Variants in SKAP1 observed in about 807,000 individuals in gnomAD.
SKAP1 encodes src kinase-associated phosphoprotein 1.
In SKAP1, 44 loss-of-function variants were observed where a neutral mutation model predicts 58.5. That is an observed-to-expected ratio of 0.75 (90% CI 0.59 to 0.97). SKAP1 has a LOEUF of 0.97. SKAP1 is among the 50% of genes least tolerant of loss of function. The pLI, the probability that SKAP1 is intolerant of heterozygous loss-of-function variation, is 0.00. For missense variants in SKAP1, 390 were observed against 435.2 expected (o/e 0.90, Z 0.92); for synonymous variants, 127 against 149.7 (o/e 0.85, Z 1.11).
At chr17:48,367,535 T>TGTATATATATATATGGATATATATCC (rs1427393493) in intron 2 of SKAP1, among the ~76,000 whole-genome samples, 4 of 88,696 alleles carry the variant, frequency 4.5e-5, no homozygotes, top group African/African-American at 1.8e-4. Context: ...TGTATGTGTG[T>TGTATATATATATATGGATATATATCC]GTATATATAT....
chr17:48,154,637 TCTC>T (rs2063948356), intron 11 of SKAP1, among the ~76,000 whole-genome samples: 1 of 152,140 alleles, frequency 6.6e-6, no homozygotes, highest in Non-Finnish European at 1.5e-5. Flanking sequence ...AGTGGCCTCT[TCTC>T]CTTCCTAGTC....
At chr17:48,204,972 C>CTTTTCTTTTCT (rs1424862689) in intron 4 of SKAP1, among the ~76,000 whole-genome samples, 2 of 34,588 alleles carry the variant, frequency 5.8e-5, no homozygotes, top group Admixed American at 3.6e-4. Context: ...CTTTTCTTTT[C>CTTTTCTTTTCT]TTTTCTTTCT....
At chr17:48,314,990 C>T (rs72827825) in intron 4 of SKAP1, among the ~76,000 whole-genome samples, 12,445 of 152,072 alleles carry the variant, frequency 0.082, 654 homozygotes, top group East Asian at 0.2. Context: ...ATATTGACAT[C>T]CCAGGCAACA....
intron 4 of SKAP1, among the ~76,000 whole-genome samples, chr17:48,265,256 A>T (rs2065531260): frequency 6.6e-6 from 1 of 152,178 alleles, no homozygotes; most frequent in African/African-American, 2.4e-5. Context: ...CTGTAATCCC[A>T]GCACTTTGGG....
chr17:48,441,013 G>A, the SKAP1 span, among the ~76,000 whole-genome samples: 19 of 152,120 alleles, frequency 1.2e-4, no homozygotes, highest in African/African-American at 4.3e-4. Context: ...CTAGCACCCC[G>A]ATTCCATTTC....
At chr17:48,336,408 A>T (rs1355483086) in intron 4 of SKAP1, among the ~76,000 whole-genome samples, 1 of 152,188 alleles carries the variant, frequency 6.6e-6, no homozygotes, top group Non-Finnish European at 1.5e-5. Flanking sequence ...AAGCACTGGA[A>T]GTATGACAGG....
intron 1 of SKAP1, among the ~76,000 whole-genome samples, chr17:48,427,846 C>T (rs1338174312): frequency 6.6e-6 from 1 of 151,868 alleles, no homozygotes; most frequent in African/African-American, 2.4e-5. Context: ...TGACTCCCTC[C>T]CACAGAGTGA....
At chr17:48,261,216 G>T (rs1386548282) in intron 4 of SKAP1, among the ~76,000 whole-genome samples, 1 of 152,136 alleles carries the variant, frequency 6.6e-6, no homozygotes, top group African/African-American at 2.4e-5. Flanking sequence ...TAGTTGAAAG[G>T]ATGACTTAAA....
chr17:48,171,093 G>GTTTTTTT lies in SKAP1; in HGVS notation c.827-441_827-435dup, dbSNP rs71141969. ...CTTTAAGGAAAGTTTAATTACTGTT[G>GTTTTTTT]TTTTTTTTTTTTTTTTTTTTTTTTT... On this transcript the variant is annotated intron_variant, in intron 9 of 12. Transcript: ENST00000336915. 7.1e-4 allele frequency among the ~76,000 whole-genome samples: 50 copies of GTTTTTTT among 70,252 alleles called. 4 individuals carry two copies. The highest frequency in any genetic ancestry group is 1.1e-3 in the African/African-American group (19 of 17,012). The allele number at this position is 70,252 out of a possible 152,430, so 46.1% of individuals were successfully genotyped here.
At chr17:48,423,451 T>A (rs2067818951) in intron 1 of SKAP1, among the ~76,000 whole-genome samples, 1 of 152,176 alleles carries the variant, frequency 6.6e-6, no homozygotes, top group African/African-American at 2.4e-5. Context: ...ATTATCAAAG[T>A]ACCCTTCCTG....
chr17:48,163,623 T>C (rs2064098942), intron 10 of SKAP1, among the ~76,000 whole-genome samples: 1 of 152,190 alleles, frequency 6.6e-6, no homozygotes, highest in Admixed American at 6.5e-5. Context: ...CTAATTAAAA[T>C]TCACATGATT....
chr17:48,249,061 C>T (rs1025131830), intron 4 of SKAP1: 2 of 152,094 alleles, frequency 1.3e-5, no homozygotes, highest in African/African-American at 4.8e-5. Flanking sequence ...AAAAAAAACC[C>T]ATTTAATTAA....
At chr17:48,249,439 G>A (rs1598469203) in intron 4 of SKAP1, among the ~76,000 whole-genome samples, 1 of 152,170 alleles carries the variant, frequency 6.6e-6, no homozygotes, top group East Asian at 1.9e-4. Context: ...TTTGGGAGCT[G>A]AGGTGGGCAG....
At chr17:48,294,107 C>T (rs1279993807) in intron 4 of SKAP1, among the ~76,000 whole-genome samples, 1 of 152,170 alleles carries the variant, frequency 6.6e-6, no homozygotes, top group African/African-American at 2.4e-5. Flanking sequence ...CCTACAGAAT[C>T]ACCATTTGTT....
At chr17:48,218,449 C>T (rs944837834) in intron 4 of SKAP1, among the ~76,000 whole-genome samples, 9 of 152,206 alleles carry the variant, frequency 5.9e-5, no homozygotes, top group African/African-American at 2.2e-4. Context: ...ATCACTTAAT[C>T]AATTCTAAGA....
rs1442539453 is a variant in SKAP1 at position 48,351,028 on chromosome 17, C to T, written c.179-5022G>A. ...TTCATGGGCCAATTTAATAGTAATA[C>T]AGCTCCCAAAGCTGAACTATAGTAA... On this transcript the variant is annotated intron_variant, in intron 3 of 12. Transcript: ENST00000336915. Among the ~76,000 whole-genome samples the T allele has an allele frequency of 3.3e-5, 5 of 152,226 alleles. No homozygotes were observed. The East Asian group carries it at 5.8e-4, about 18-fold the overall frequency.
At chr17:48,380,955 G>T (rs908830598) in intron 2 of SKAP1, among the ~76,000 whole-genome samples, 1 of 152,186 alleles carries the variant, frequency 6.6e-6, no homozygotes, top group Non-Finnish European at 1.5e-5. Flanking sequence ...ATTCTGAAAA[G>T]TGGTTAGGGC....
chr17:48,321,084 A>C (rs192079625), intron 4 of SKAP1, among the ~76,000 whole-genome samples: 1 of 152,276 alleles, frequency 6.6e-6, no homozygotes, highest in Admixed American at 6.5e-5. Flanking sequence ...GCAGTCTCCA[A>C]CAGAATGGAG....
intron 4 of SKAP1, among the ~76,000 whole-genome samples, chr17:48,254,654 A>G (rs1203976707): frequency 1.3e-5 from 2 of 150,368 alleles, no homozygotes; most frequent in Non-Finnish European, 3.0e-5. Flanking sequence ...TGTCATATTT[A>G]CTGAACGCCT....
Sources: gnomAD v4.1 joint callset for allele counts (sites outside exome capture counted in the v4.1 genomes callset) on GRCh38, gnomAD v4.1.1 for gene constraint, MANE v1.5 for transcripts, NCBI Gene and HGNC (gene_info 2026-07-23, HGNC 2026-07-21) for gene names.